The following MRAS variants were observed in gnomAD, a reference collection of about 807,000 sequenced individuals.
MRAS encodes the protein muscle RAS oncogene homolog.
A neutral mutation model predicts 20.9 loss-of-function variants in MRAS; 4 were observed. The ratio of observed to expected loss-of-function variants is 0.19; its 90% CI spans 0.09 to 0.44. The LOEUF (loss-of-function observed/expected upper bound fraction) is 0.44. MRAS is among the 20% of genes least tolerant of loss of function. The pLI is 0.99. For synonymous variants in MRAS, 98 were observed against 102.9 expected (o/e 0.95, Z 0.29); for missense variants, 154 against 277.5 (o/e 0.56, Z 3.16).
intron 1 of MRAS, among the ~76,000 whole-genome samples, chr3:138,354,416 A>G (rs555470281): frequency 1.3e-4 from 20 of 152,290 alleles, no homozygotes; most frequent in African/African-American, 4.3e-4. Context: ...TCAGCCTGCA[A>G]TGGGCTTTTG....
intron 1 of MRAS, among the ~76,000 whole-genome samples, chr3:138,358,328 C>CTG (rs1258343381): frequency 5.3e-5 from 1 of 18,900 alleles, no homozygotes; most frequent in Non-Finnish European, 1.4e-4. Flanking sequence ...CAGAACAAGA[C>CTG]TCTCTCAAAA....
At chr3:138,375,930 G>A (rs6782726) in intron 2 of MRAS, among the ~76,000 whole-genome samples, 2,050 of 152,210 alleles carry the variant, frequency 0.013, 45 homozygotes, top group African/African-American at 0.046. Flanking sequence ...AAAGATTGCA[G>A]TGAGCCGAGA....
intron 2 of MRAS, among the ~76,000 whole-genome samples, chr3:138,383,943 G>A (rs1265900889): frequency 6.6e-6 from 1 of 152,198 alleles, no homozygotes; most frequent in Non-Finnish European, 1.5e-5. Context: ...TTCCTGATAA[G>A]GGAATGTTGG....
At chr3:138,377,389 G>A (rs1560174515) in intron 2 of MRAS, among the ~76,000 whole-genome samples, 1 of 152,180 alleles carries the variant, frequency 6.6e-6, no homozygotes, top group Non-Finnish European at 1.5e-5. Flanking sequence ...GGTGGATCAC[G>A]AGGTCAGGAG....
At chr3:138,350,394 GC>G (rs1019814187) in intron 1 of MRAS, 1 of 152,226 alleles carries the variant, frequency 6.6e-6, no homozygotes, top group Non-Finnish European at 1.5e-5. Flanking sequence ...TCCTTTTTCT[GC>G]CGGGGTGGGA....
chr3:138,365,927 GGGT>G (rs554794061), intron 1 of MRAS, among the ~76,000 whole-genome samples: 65 of 152,350 alleles, frequency 4.3e-4, no homozygotes, highest in African/African-American at 1.5e-3. Flanking sequence ...ATGGTTGGGT[GGGT>G]GGTTAGGGCT....
chr3:138,392,933 C>T (rs1019654977), intron 2 of MRAS, among the ~76,000 whole-genome samples: 17 of 152,098 alleles, frequency 1.1e-4, no homozygotes, highest in Admixed American at 1.1e-3. Flanking sequence ...GTTTCATTTA[C>T]TTTGTCCTGT....
At chr3:138,394,083 A>ATT (rs879506449) in intron 2 of MRAS, among the ~76,000 whole-genome samples, 1 of 142,058 alleles carries the variant, frequency 7.0e-6, no homozygotes. Context: ...TCTGAGTCGA[A>ATT]TTTTTTTTTT....
intron 1 of MRAS, among the ~76,000 whole-genome samples, chr3:138,370,450 A>C (rs1235071274): frequency 1.3e-5 from 2 of 152,148 alleles, no homozygotes; most frequent in African/African-American, 4.8e-5. Flanking sequence ...CAAAGGAGAG[A>C]GGCCACTGGG....
intron 2 of MRAS, among the ~76,000 whole-genome samples, chr3:138,385,894 A>C (rs1483144607): frequency 3.3e-5 from 5 of 152,192 alleles, no homozygotes; most frequent in African/African-American, 1.2e-4. Flanking sequence ...GAATAGGATG[A>C]TGAAGGAACA....
In MRAS at chr3:138,397,464, C is replaced by T; in HGVS notation, c.334C>T (p.Arg112Cys). The change falls in exon 3 of 6, where the codon CGC becomes TGC. Residue 112 changes from arginine (R) to cysteine (C), a missense_variant. Arg to Cys is a radical substitution (Grantham distance 180, BLOSUM62 -3). Around this residue, in one of 3 missense-constraint regions of MRAS, gnomAD observed 125 missense variants for 213.5 expected, o/e 0.59. Transcript: ENST00000423968. The stretch of plus-strand genomic sequence containing the variant: ...GGACCGCTTCCACCAGCTTATCCTG[C>T]GCGTCAAAGACAGGTGAGCATCAAA... ...HVDRFHQLIL[R>C]VKDRESFPMI... 2 of 1,614,074 alleles carry T rather than the reference C, an allele frequency of 1.2e-6. No homozygotes were observed. Among genetic ancestry groups the T allele is most frequent in the South Asian group, 1.1e-5 (1 of 91,076 alleles).
chr3:138,372,740 G>T, intron 1 of MRAS, 126 bp from the exon 2 acceptor site: 1 of 669,422 alleles, frequency 1.5e-6, no homozygotes. Flanking sequence ...ATTTTCTTTT[G>T]CATTTCTTCA....
chr3:138,385,751 G>C (rs1165788709), intron 2 of MRAS, among the ~76,000 whole-genome samples: 1 of 152,158 alleles, frequency 6.6e-6, no homozygotes, highest in Non-Finnish European at 1.5e-5. Context: ...CTGACCTCAG[G>C]TAATCCACCT....
intron 1 of MRAS, among the ~76,000 whole-genome samples, chr3:138,353,257 A>T (rs2054264463): frequency 1.3e-5 from 2 of 151,976 alleles, no homozygotes; most frequent in African/African-American, 4.8e-5. Context: ...ATTTTAAGTA[A>T]AAAAAAAGAA....
intron 1 of MRAS, among the ~76,000 whole-genome samples, chr3:138,352,112 G>A (rs561774880): frequency 1.3e-5 from 2 of 152,366 alleles, no homozygotes; most frequent in South Asian, 2.1e-4. Flanking sequence ...AGTCTGTGCA[G>A]TCAGCCAGTG....
intron 1 of MRAS, among the ~76,000 whole-genome samples, chr3:138,363,328 T>G (rs1484760966): frequency 6.6e-6 from 1 of 152,192 alleles, no homozygotes; most frequent in African/African-American, 2.4e-5. Context: ...TCCAAAGTGC[T>G]GGGATTACAG....
intron 1 of MRAS, among the ~76,000 whole-genome samples, chr3:138,355,223 C>T (rs1359837347): frequency 6.6e-6 from 1 of 152,164 alleles, no homozygotes; most frequent in Admixed American, 6.5e-5. Context: ...GTGCCTGGTA[C>T]TGGGTCCTTC....
intron 2 of MRAS, among the ~76,000 whole-genome samples, chr3:138,396,676 G>A (rs558095016): frequency 2.0e-5 from 3 of 152,256 alleles, no homozygotes; most frequent in African/African-American, 7.2e-5. Context: ...TGGGGGGATG[G>A]ATGGGTTAGG....
chr3:138,393,217 G>A (rs1008147447), intron 2 of MRAS, among the ~76,000 whole-genome samples: 2 of 152,076 alleles, frequency 1.3e-5, no homozygotes, highest in East Asian at 1.9e-4. Flanking sequence ...ACAACATTTA[G>A]TTAAACTTAC....
Sources: allele counts gnomAD v4.1 joint callset (sites outside exome capture counted in the v4.1 genomes callset), GRCh38; gene constraint gnomAD v4.1.1; regional missense constraint gnomAD v4.1.1; transcripts MANE v1.5; gene names NCBI Gene and HGNC (gene_info 2026-07-23, HGNC 2026-07-21).